Variants in FAT3 observed in about 807,000 individuals in gnomAD.
FAT3 encodes protocadherin Fat 3.
In FAT3, 95 loss-of-function variants were observed where a neutral mutation model predicts 310.2. The ratio of observed to expected loss-of-function variants is 0.31; its 90% CI spans 0.26 to 0.36. The LOEUF (loss-of-function observed/expected upper bound fraction) is 0.36, where lower values mean the gene tolerates loss of function less well. FAT3 is among the 10% of genes least tolerant of loss of function. The pLI is 1.00. For missense variants in FAT3, 5,408 were observed against 5,715.6 expected, an observed-to-expected ratio of 0.95 and a Z score of 1.74; for synonymous variants, 2,314 against 2,192.9, an observed-to-expected ratio of 1.06 and a Z score of -1.54.
At chr11:92,592,318 CT>C (rs753531647) in intron 3 of FAT3, among the ~76,000 whole-genome samples, 36 of 108,252 alleles carry the variant, frequency 3.3e-4, no homozygotes, top group African/African-American at 1.2e-3. Context: ...TCCTAATTGT[CT>C]TTTTTTTTTT....
intron 3 of FAT3, among the ~76,000 whole-genome samples, chr11:92,617,669 A>G (rs1294494801): frequency 6.6e-6 from 1 of 152,038 alleles, no homozygotes; most frequent in Non-Finnish European, 1.5e-5. Flanking sequence ...TTTGGTGTGG[A>G]TGTCCTTTCT....
At chr11:92,566,391 A>G (rs1239409326) in intron 3 of FAT3, among the ~76,000 whole-genome samples, 2 of 152,154 alleles carry the variant, frequency 1.3e-5, no homozygotes, top group African/African-American at 4.8e-5. Context: ...AGAAGAGGAT[A>G]CAAACAAATG....
intron 19 of FAT3, among the ~76,000 whole-genome samples, chr11:92,850,930 C>A (rs1199088595): frequency 6.6e-6 from 1 of 152,134 alleles, no homozygotes; most frequent in Non-Finnish European, 1.5e-5. Flanking sequence ...CCTGTTGTCA[C>A]CTCTACAGAA....
chr11:92,837,817 C>G lies in FAT3; in HGVS notation c.10368+11C>G. ...ACTGCTGTGATTCAGGTGAGAAAAT[C>G]TTGCCTGCCAAGCACTTGTCCCTTT... On this transcript the variant is annotated intron_variant, in intron 17 of 27. Transcript: ENST00000525166. 6.2e-7 allele frequency: 1 copy of G among 1,613,906 alleles called. No homozygotes were observed. Among genetic ancestry groups the G allele is most frequent in the South Asian group, 1.1e-5 (1 of 91,076 alleles).
intron 3 of FAT3, among the ~76,000 whole-genome samples, chr11:92,547,309 C>T (rs1417939465): frequency 6.6e-6 from 1 of 152,092 alleles, no homozygotes; most frequent in Non-Finnish European, 1.5e-5. Context: ...GTACTGTTTT[C>T]TTGTGAAATC....
chr11:92,665,162 T>A (rs1942910870), intron 3 of FAT3, among the ~76,000 whole-genome samples: 1 of 152,196 alleles, frequency 6.6e-6, no homozygotes, highest in African/African-American at 2.4e-5. Flanking sequence ...AATCTCTGTT[T>A]GCCTCAAAAA....
At chr11:92,509,088 T>G (rs910626051) in intron 2 of FAT3, among the ~76,000 whole-genome samples, 1 of 152,188 alleles carries the variant, frequency 6.6e-6, no homozygotes, top group African/African-American at 2.4e-5. Context: ...ATTTTGTCCT[T>G]GAGTAAAATT....
intron 13 of FAT3, among the ~76,000 whole-genome samples, chr11:92,823,271 A>T (rs1327868036): frequency 1.3e-5 from 2 of 152,172 alleles, no homozygotes; most frequent in Non-Finnish European, 2.9e-5. Flanking sequence ...GTACCAATAA[A>T]CATGGAGTTT....
chr11:92,625,391 C>A (rs1414361195), intron 3 of FAT3, among the ~76,000 whole-genome samples: 1 of 152,144 alleles, frequency 6.6e-6, no homozygotes, highest in Non-Finnish European at 1.5e-5. Context: ...GATCCTATAG[C>A]CTGGAAGGCA....
intron 2 of FAT3, among the ~76,000 whole-genome samples, chr11:92,513,382 A>G (rs1013588879): frequency 2.6e-5 from 4 of 152,200 alleles, no homozygotes; most frequent in African/African-American, 9.7e-5. Flanking sequence ...GATGAATAGA[A>G]CAAGAAAGAA....
intron 1 of FAT3, among the ~76,000 whole-genome samples, chr11:92,246,676 A>C (rs1369646360): frequency 6.6e-6 from 1 of 152,106 alleles, no homozygotes; most frequent in East Asian, 1.9e-4. Flanking sequence ...TTTGGAGTAG[A>C]CAATGTGGCA....
rs1303458972 is a variant in FAT3, at chr11:92,844,564, A to T, written c.11197A>T (p.Met3733Leu). ...SNARRHLENI[M>L]RISAILEKNC... The stretch of plus-strand genomic sequence containing the variant: ...TGCTAGAAGACACCTGGAGAATATC[A>T]TGCGCATCTCAGCCATCTTGGAGAA... Residue 3733 changes from methionine (M) to leucine (L), a missense_variant, in exon 19 of 28, where the codon ATG (methionine) becomes TTG (leucine). This residue lies in a region of FAT3 where 4,588 missense variants were observed against 4,809.8 expected (regional missense o/e 0.95). Transcript: ENST00000525166. The T allele has an allele frequency of 6.2e-7, 1 of 1,613,690 alleles. No individual in the cohort carries two copies. Among genetic ancestry groups the T allele is most frequent in the Non-Finnish European group, 8.5e-7 (1 of 1,179,606 alleles).
chr11:92,401,218 T>G lies in FAT3; in HGVS notation c.3292+45814T>G, dbSNP rs564410431. 2.9e-4 allele frequency among the ~76,000 whole-genome samples: 44 copies of G among 152,290 alleles called. No individual in the cohort carries two copies. The South Asian group carries it at 8.7e-3, about 30-fold the overall frequency. On this transcript the variant is annotated intron_variant, in intron 2 of 27. Coordinates refer to ENST00000525166, the MANE Select transcript of FAT3 (RefSeq NM_001367949.2). ...AACTGAGTGCAGGCTAGTGGGAGATTAATAAGCTCCTGGGAGTTGCTGTCT... is the reference window on the plus strand; with the variant it reads ...AACTGAGTGCAGGCTAGTGGGAGATGAATAAGCTCCTGGGAGTTGCTGTCT...
intron 2 of FAT3, among the ~76,000 whole-genome samples, chr11:92,431,625 T>C (rs974795625): frequency 6.6e-6 from 1 of 152,192 alleles, no homozygotes; most frequent in Non-Finnish European, 1.5e-5. Flanking sequence ...GGTTTTCTTC[T>C]AGGGTTTTTA....
At position 92,831,890 on chromosome 11, in the gene FAT3, C is replaced by G. The variant is rs1381637309; in HGVS notation, c.9750C>G (p.Ser3250=). Residue 3250 remains serine, a synonymous_variant, in exon 14 of 28, where the codon TCC becomes TCG. Transcript: ENST00000525166. ...DYLVTVPEDT[S]PGTQVLAVFA... is the part of the protein sequence containing the mutation. The stretch of plus-strand genomic sequence containing the variant: ...TGGTGACGGTGCCTGAGGACACCTC[C>G]CCTGGCACCCAAGTCCTTGCTGTTT... 7.4e-6 allele frequency: 12 copies of G among 1,612,782 alleles called. No homozygotes were observed. Among genetic ancestry groups the G allele is most frequent in the Non-Finnish European group, 1.0e-5 (12 of 1,179,456 alleles).
rs774895784 is a variant in FAT3, at chr11:92,352,923, C to T, written c.811C>T (p.His271Tyr). The part of the protein sequence containing the change: ...EHAPTIHVVT[H>Y]VPFSLEKEPT... ...TGCCCCAACAATCCATGTAGTCACT[C>T]ATGTTCCTTTCTCGTTGGAAAAAGA... Residue 271 changes from histidine to tyrosine, a missense_variant, in exon 2 of 28, where the codon CAT becomes TAT. Transcript: ENST00000525166. 2.4e-5 allele frequency: 38 copies of T among 1,613,842 alleles called. No homozygotes were observed. The highest frequency in any genetic ancestry group is 3.1e-5 in the Non-Finnish European group (37 of 1,179,870).
chr11:92,577,681 T>C (rs968781929), intron 3 of FAT3, among the ~76,000 whole-genome samples: 4 of 152,092 alleles, frequency 2.6e-5, no homozygotes, highest in Admixed American at 2.6e-4. Context: ...AAAGCTACTT[T>C]AGAAAAAATT....
chr11:92,319,030 G>A (rs1947539709), intron 1 of FAT3, among the ~76,000 whole-genome samples: 1 of 152,166 alleles, frequency 6.6e-6, no homozygotes, highest in Non-Finnish European at 1.5e-5. Flanking sequence ...TCTCGTGGGA[G>A]AGCTTTGATC....
intron 2 of FAT3, among the ~76,000 whole-genome samples, chr11:92,513,625 T>A (rs1565374547): frequency 6.6e-6 from 1 of 152,202 alleles, no homozygotes; most frequent in Non-Finnish European, 1.5e-5. Context: ...GAATTTATAA[T>A]TATTTCAGAA....
Sources: gnomAD v4.1 joint callset for allele counts (sites outside exome capture counted in the v4.1 genomes callset) on GRCh38, gnomAD v4.1.1 for gene constraint, gnomAD v4.1.1 regional missense constraint, MANE v1.5 for transcripts, NCBI Gene and HGNC (gene_info 2026-07-23, HGNC 2026-07-21) for gene names.